SNTG1: variants seen among roughly 807,000 people sequenced by gnomAD.
SNTG1 encodes syntrophin gamma 1.
A neutral mutation model predicts 74.7 loss-of-function variants in SNTG1; 39 were observed. The ratio of observed to expected loss-of-function variants is 0.52; its 90% confidence interval spans 0.40 to 0.68. The LOEUF (loss-of-function observed/expected upper bound fraction) is 0.68. Among genes scored for constraint, SNTG1 ranks in the 30% least tolerant of loss-of-function variants. The probability of loss-of-function intolerance (pLI) is 0.00; values close to 1 mark genes in which losing one functional copy is unlikely to be tolerated. For missense variants in SNTG1, 685 were observed against 609.5 expected, an observed-to-expected ratio of 1.12 and a Z score of -1.30; for synonymous variants, 254 against 217.1, an observed-to-expected ratio of 1.17 and a Z score of -1.49.
chr8:50,703,615 T>C (rs2095433727), intron 15 of SNTG1, among the ~76,000 whole-genome samples: 1 of 152,144 alleles, frequency 6.6e-6, no homozygotes, highest in Admixed American at 6.5e-5. Context: ...TATAATACAG[T>C]AAATACATAA....
At chr8:50,425,418 G>A (rs560335634) in intron 4 of SNTG1, among the ~76,000 whole-genome samples, 1 of 152,198 alleles carries the variant, frequency 6.6e-6, no homozygotes, top group East Asian at 1.9e-4. Flanking sequence ...CACTCCTTAT[G>A]AGAATCTAAT....
intron 2 of SNTG1, among the ~76,000 whole-genome samples, chr8:50,388,259 A>G (rs1288516549): frequency 6.6e-6 from 1 of 152,100 alleles, no homozygotes; most frequent in African/African-American, 2.4e-5. Flanking sequence ...AACCAATCTT[A>G]TTGCACTCAT....
chr8:50,036,611 T>C (rs1434038071), intron 1 of SNTG1, among the ~76,000 whole-genome samples: 1 of 152,200 alleles, frequency 6.6e-6, no homozygotes, highest in East Asian at 1.9e-4. Flanking sequence ...GTTAAGGCAT[T>C]CCCAGCTCTT....
chr8:50,504,387 G>GCTT (rs1203319958), intron 9 of SNTG1, among the ~76,000 whole-genome samples: 3 of 152,130 alleles, frequency 2.0e-5, no homozygotes, highest in African/African-American at 7.2e-5. Flanking sequence ...ATCACTGGAA[G>GCTT]CTTCTTGTAT....
rs562359344 is a variant in SNTG1, at chr8:50,750,584, C to G, written c.1285-1417C>G. 3.9e-5 allele frequency among the ~76,000 whole-genome samples: 6 copies of G among 151,982 alleles called. No individual in the cohort carries two copies. In the South Asian group the frequency reaches 1.2e-3, roughly 32 times the overall value. On this transcript the variant is annotated intron_variant, in intron 17 of 18. Coordinates refer to ENST00000642720, the MANE Select transcript of SNTG1 (RefSeq NM_018967.5). Reference sequence around the variant, plus strand: ...TTTTAAGAAATTGTCACAGCCACCCCAACCACCAGCAATCACCATCCTGAT... The same window carrying G: ...TTTTAAGAAATTGTCACAGCCACCCGAACCACCAGCAATCACCATCCTGAT...
In SNTG1 at chr8:50,685,701, A is replaced by ATT. The variant is rs1231913509; in HGVS notation, c.1039-18897_1039-18896dup. Among the ~76,000 whole-genome samples, 12 of 152,186 alleles carry ATT rather than the reference A, an allele frequency of 7.9e-5. No homozygotes were observed. The East Asian group carries it at 9.6e-4, about 12-fold the overall frequency. On this transcript the variant is annotated intron_variant, in intron 15 of 18. Transcript: ENST00000642720. Reference sequence around the variant, plus strand: ...CATATCTATAGAGATCAGTATTTGTATTTATACAGCTATTTTAAGCTGTCA... The same window carrying ATT: ...CATATCTATAGAGATCAGTATTTGTATTTTTATACAGCTATTTTAAGCTGTCA...
intron 2 of SNTG1, among the ~76,000 whole-genome samples, chr8:50,272,642 G>T (rs1037872228): frequency 2.6e-5 from 4 of 152,176 alleles, no homozygotes; most frequent in African/African-American, 9.7e-5. Context: ...TGGACTTTAA[G>T]CACTAGTATC....
intron 15 of SNTG1, among the ~76,000 whole-genome samples, chr8:50,667,698 C>T (rs1370838478): frequency 1.3e-5 from 2 of 151,898 alleles, no homozygotes; most frequent in Admixed American, 6.6e-5. Flanking sequence ...AACCATAGTA[C>T]CATCTTAGTA....
chr8:50,653,422 A>G (rs1453092936), intron 13 of SNTG1, among the ~76,000 whole-genome samples: 3 of 152,204 alleles, frequency 2.0e-5, no homozygotes, highest in Non-Finnish European at 2.9e-5. Context: ...ATAGTGAGAT[A>G]CTGTCTAAAA....
At chr8:50,706,006 C>T (rs1386326137) in intron 16 of SNTG1, among the ~76,000 whole-genome samples, 2 of 152,286 alleles carry the variant, frequency 1.3e-5, no homozygotes, top group Admixed American at 1.3e-4. Flanking sequence ...TTGCGTAAAA[C>T]AGGATTGTTG....
At chr8:50,208,261 G>A (rs1456800026) in intron 2 of SNTG1, among the ~76,000 whole-genome samples, 1 of 152,172 alleles carries the variant, frequency 6.6e-6, no homozygotes, top group Non-Finnish European at 1.5e-5. Context: ...TATATTGGGT[G>A]CATATATATT....
intron 2 of SNTG1, among the ~76,000 whole-genome samples, chr8:50,324,420 A>T (rs541942930): frequency 6.6e-6 from 1 of 152,300 alleles, no homozygotes; most frequent in East Asian, 1.9e-4. Flanking sequence ...TATAAAGTTT[A>T]AACCAGGTAC....
intron 15 of SNTG1, among the ~76,000 whole-genome samples, chr8:50,688,572 T>C (rs1384342103): frequency 2.0e-5 from 3 of 152,196 alleles, no homozygotes; most frequent in Non-Finnish European, 4.4e-5. Context: ...ATTGTAGATA[T>C]GCGGCATTAT....
intron 1 of SNTG1, among the ~76,000 whole-genome samples, chr8:49,985,820 G>T (rs556435032): frequency 1.3e-5 from 2 of 152,116 alleles, no homozygotes; most frequent in African/African-American, 4.8e-5. Context: ...ATAGACACCT[G>T]TTTGGCATTC....
chr8:50,478,666 C>T (rs2093715695), intron 8 of SNTG1, among the ~76,000 whole-genome samples: 1 of 152,080 alleles, frequency 6.6e-6, no homozygotes, highest in African/African-American at 2.4e-5. Context: ...CTGAAACTAT[C>T]TTTGTTTTTC....
At chr8:50,006,011 C>T (rs1815194380) in intron 1 of SNTG1, among the ~76,000 whole-genome samples, 1 of 124,432 alleles carries the variant, frequency 8.0e-6, no homozygotes, top group African/African-American at 3.3e-5. Flanking sequence ...TGTTGCCAAG[C>T]TGGAGTGCAG....
chr8:50,469,477 CAA>C (rs1241398997), intron 8 of SNTG1, among the ~76,000 whole-genome samples: 1 of 152,038 alleles, frequency 6.6e-6, no homozygotes, highest in Non-Finnish European at 1.5e-5. Context: ...AAAATGAGTG[CAA>C]AGTCATTATC....
intron 8 of SNTG1, among the ~76,000 whole-genome samples, chr8:50,473,994 C>T (rs1421249476): frequency 6.6e-6 from 1 of 151,804 alleles, no homozygotes; most frequent in Non-Finnish European, 1.5e-5. Context: ...CCCACTGGCT[C>T]CACCACAGAG....
At chr8:50,302,920 C>G (rs1486542981) in intron 2 of SNTG1, among the ~76,000 whole-genome samples, 1 of 152,154 alleles carries the variant, frequency 6.6e-6, no homozygotes, top group African/African-American at 2.4e-5. Flanking sequence ...CCAGTTTTAT[C>G]ATTGCTGCTG....
Sources: allele counts gnomAD v4.1 joint callset (sites outside exome capture counted in the v4.1 genomes callset), GRCh38; gene constraint gnomAD v4.1.1; transcripts MANE v1.5; gene names NCBI Gene and HGNC (gene_info 2026-07-23, HGNC 2026-07-21).